SHISA6: variants seen among roughly 807,000 people sequenced by gnomAD.
The protein encoded by SHISA6 is shisa family member 6.
SHISA6 carries 22 observed loss-of-function variants against 47.9 expected under a neutral mutation model. That is an observed-to-expected ratio of 0.46 (90% CI 0.33 to 0.66). SHISA6 has a LOEUF of 0.66. Among genes scored for constraint, SHISA6 ranks in the 30% least tolerant of loss-of-function variants. The pLI is 0.02. For synonymous variants in SHISA6, 388 were observed against 337.8 expected (o/e 1.15, Z -1.63); for missense variants, 680 against 764.6 (o/e 0.89, Z 1.30).
intron 1 of SHISA6, 81 bp downstream of exon 1, chr17:11,242,141 C>T (rs1396703657): frequency 7.2e-6 from 11 of 1,520,554 alleles, no homozygotes; most frequent in South Asian, 3.6e-5. Flanking sequence ...TCTTCACTCT[C>T]GGCATCATCA....
At chr17:11,255,494 A>G (rs1036529265) in intron 1 of SHISA6, among the ~76,000 whole-genome samples, 9 of 152,334 alleles carry the variant, frequency 5.9e-5, no homozygotes, top group Admixed American at 3.9e-4. Flanking sequence ...CAAGCTGTGA[A>G]TACCTTCATT....
At chr17:11,281,230 C>A (rs1324976585) in intron 2 of SHISA6, among the ~76,000 whole-genome samples, 1 of 152,024 alleles carries the variant, frequency 6.6e-6, no homozygotes, top group African/African-American at 2.4e-5. Context: ...GTGGTGACAA[C>A]TTATTTTCTA....
chr17:11,467,778 G>A (rs1915847740), intron 3 of SHISA6, among the ~76,000 whole-genome samples: 1 of 152,204 alleles, frequency 6.6e-6, no homozygotes. Context: ...CAGCCAAACA[G>A]ATCCAGGGTA....
intron 3 of SHISA6, among the ~76,000 whole-genome samples, chr17:11,469,596 T>C (rs1293275750): frequency 6.6e-6 from 1 of 152,128 alleles, no homozygotes; most frequent in East Asian, 1.9e-4. Context: ...GGGGTTCCTG[T>C]GGGTGAGGTT....
rs1383688944 is a variant in SHISA6 at position 11,558,329 on chromosome 17, TG to T, written c.*28del. On this transcript the variant is annotated 3_prime_UTR_variant, in exon 6 of 6. Transcript: ENST00000441885. ...ACCGGCGGGGCAGGGCCGGGGCTGCTGGGCGTGGCAGAGCAGAGCGGGGGCC... is the reference window on the plus strand; with the variant it reads ...ACCGGCGGGGCAGGGCCGGGGCTGCTGGCGTGGCAGAGCAGAGCGGGGGCC... 6.5e-7 allele frequency: 1 copy of T among 1,531,672 alleles called. No individual in the cohort carries two copies. The highest frequency in any genetic ancestry group is 2.5e-5 in the East Asian group (1 of 40,816). 94.9% of individuals were successfully genotyped at this position (1,531,672 alleles called of 1,614,324 possible).
At chr17:11,384,232 C>T (rs1913122446) in intron 3 of SHISA6, among the ~76,000 whole-genome samples, 1 of 152,238 alleles carries the variant, frequency 6.6e-6, no homozygotes, top group Admixed American at 6.5e-5. Flanking sequence ...TATCCTGCCT[C>T]TCCAAGCTGC....
At chr17:11,543,927 CA>C (rs1216952313) in intron 3 of SHISA6, among the ~76,000 whole-genome samples, 1,758 of 109,890 alleles carry the variant, frequency 0.016, 56 homozygotes, top group African/African-American at 0.057. Flanking sequence ...AAAAAAAAAA[CA>C]AAAAAAAGAA....
chr17:11,291,631 C>T (rs1909547630), intron 2 of SHISA6, among the ~76,000 whole-genome samples: 2 of 151,840 alleles, frequency 1.3e-5, no homozygotes. Context: ...GAGACTCTGT[C>T]TCAAAACAAC....
At chr17:11,284,806 A>G (rs1244129704) in intron 2 of SHISA6, among the ~76,000 whole-genome samples, 3 of 152,200 alleles carry the variant, frequency 2.0e-5, no homozygotes, top group Non-Finnish European at 4.4e-5. Flanking sequence ...TGCAGCAGTC[A>G]TGAGATACAG....
chr17:11,279,526 G>A (rs1413391969), intron 2 of SHISA6, among the ~76,000 whole-genome samples: 1 of 152,022 alleles, frequency 6.6e-6, no homozygotes, highest in African/African-American at 2.4e-5. Flanking sequence ...ATGCCCTGTG[G>A]TCCATGTGAG....
rs1270037115 is a variant in SHISA6, at chr17:11,558,793, G to GTGCCTAAAAACTGCC, written c.*493_*507dup. The GTGCCTAAAAACTGCC allele has an allele frequency of 1.7e-5, 3 of 173,098 alleles. No homozygotes were observed. The highest frequency in any genetic ancestry group is 7.2e-5 in the African/African-American group (3 of 41,958). The allele number at this position is 173,098 out of a possible 1,614,324, so 10.7% of individuals were successfully genotyped here. A position where few individuals can be genotyped will look rare whatever the true frequency, so the allele number is the denominator to read the frequency against. Reference sequence around the variant, plus strand: ...AGAACCGCATCACAGAAATCTCCTAGTGCCTAAAAACTGCCTGCTCGCTCT... The same window carrying GTGCCTAAAAACTGCC: ...AGAACCGCATCACAGAAATCTCCTAGTGCCTAAAAACTGCCTGCCTAAAAACTGCCTGCTCGCTCT... On this transcript the variant is annotated 3_prime_UTR_variant, in exon 6 of 6. Transcript: ENST00000441885.
At chr17:11,362,107 A>T (rs1022703762) in intron 2 of SHISA6, among the ~76,000 whole-genome samples, 2 of 152,086 alleles carry the variant, frequency 1.3e-5, no homozygotes, top group African/African-American at 4.8e-5. Context: ...CATCATTAAG[A>T]TCTCCATTCC....
chr17:11,367,043 G>T (rs1165213099), intron 2 of SHISA6, among the ~76,000 whole-genome samples: 2 of 152,154 alleles, frequency 1.3e-5, no homozygotes, highest in Non-Finnish European at 2.9e-5. Flanking sequence ...AGACCTACAG[G>T]ATGGGCAAGA....
intron 3 of SHISA6, among the ~76,000 whole-genome samples, chr17:11,419,649 C>T (rs1050503924): frequency 2.0e-5 from 3 of 152,094 alleles, no homozygotes; most frequent in Non-Finnish European, 4.4e-5. Context: ...GCCAAACCAA[C>T]TGTAAAAATA....
chr17:11,252,281 C>G (rs1294933391), intron 1 of SHISA6, among the ~76,000 whole-genome samples: 1 of 152,160 alleles, frequency 6.6e-6, no homozygotes. Flanking sequence ...TTATTCCTTG[C>G]TTTTTTGGCA....
At chr17:11,242,793 C>G (rs1380941928) in intron 1 of SHISA6, among the ~76,000 whole-genome samples, 3 of 152,140 alleles carry the variant, frequency 2.0e-5, no homozygotes, top group Non-Finnish European at 4.4e-5. Flanking sequence ...TGCCTCCTAC[C>G]AAAACTTACG....
intron 3 of SHISA6, among the ~76,000 whole-genome samples, chr17:11,398,530 T>A (rs1913652606): frequency 6.6e-6 from 1 of 152,216 alleles, no homozygotes; most frequent in African/African-American, 2.4e-5. Context: ...AGGACACTTT[T>A]CCAGTATTTT....
chr17:11,330,390 C>T (rs1911054559), intron 2 of SHISA6, among the ~76,000 whole-genome samples: 1 of 151,810 alleles, frequency 6.6e-6, no homozygotes, highest in Admixed American at 6.6e-5. Context: ...TAGGTGATAG[C>T]AGGCCAAGGA....
chr17:11,536,152 G>A (rs1317891069), intron 3 of SHISA6, among the ~76,000 whole-genome samples: 1 of 152,002 alleles, frequency 6.6e-6, no homozygotes, highest in Non-Finnish European at 1.5e-5. Flanking sequence ...TATTATAATG[G>A]GAAGAACAAA....
Sources: gnomAD v4.1 joint callset for allele counts (sites outside exome capture counted in the v4.1 genomes callset) on GRCh38, gnomAD v4.1.1 for gene constraint, MANE v1.5 for transcripts, NCBI Gene and HGNC (gene_info 2026-07-23, HGNC 2026-07-21) for gene names.